Variants in SDHC observed in about 807,000 individuals in gnomAD.
SDHC encodes succinate dehydrogenase cytochrome b560 subunit, mitochondrial.
Under a neutral mutation model 22.6 loss-of-function variants are expected in SDHC, and 11 were observed. The ratio of observed to expected loss-of-function variants is 0.49; its 90% CI spans 0.31 to 0.81. The LOEUF (loss-of-function observed/expected upper bound fraction) is 0.81. SDHC is among the 30% of genes least tolerant of loss of function. The pLI, the probability that SDHC is intolerant of heterozygous loss-of-function variation, is 0.05. For missense variants in SDHC, 160 were observed against 212.0 expected (o/e 0.75, Z 1.52); for synonymous variants, 80 against 77.8 (o/e 1.03, Z -0.15).
At position 161,362,619 on chromosome 1, in the gene SDHC, C is replaced by G. The variant is rs1672570894; in HGVS notation, c.*186C>G. The G allele has an allele frequency of 1.9e-6, 3 of 1,593,242 alleles. No homozygotes were observed. Among genetic ancestry groups the G allele is most frequent in the Non-Finnish European group, 2.6e-6 (3 of 1,169,234 alleles). Reference sequence around the variant, plus strand: ...AATAGTGGAAAAGGGTCTAGTTTTCCCCTTGTTTCTAAAGATGAGGTGGCT... The same window carrying G: ...AATAGTGGAAAAGGGTCTAGTTTTCGCCTTGTTTCTAAAGATGAGGTGGCT... On this transcript the variant is annotated 3_prime_UTR_variant, in exon 6 of 6. Transcript: ENST00000367975.
intron 4 of SDHC, among the ~76,000 whole-genome samples, chr1:161,343,366 G>T (rs1014099830): frequency 6.6e-6 from 1 of 152,136 alleles, no homozygotes. Context: ...ATATATGTGT[G>T]TGTGTATATA....
chr1:161,328,024 T>TGA (rs1406919664), intron 2 of SDHC, among the ~76,000 whole-genome samples: 28 of 151,310 alleles, frequency 1.9e-4, no homozygotes, highest in Admixed American at 1.6e-3. Context: ...TTTTTTTTTT[T>TGA]GAGAGAGAAT....
At chr1:161,339,530 T>G (rs1265079717) in intron 3 of SDHC, 9 of 1,227,992 alleles carry the variant, frequency 7.3e-6, no homozygotes, top group Non-Finnish European at 9.6e-6. Context: ...GCGAAAGGAG[T>G]TTTGAGTTAT....
intron 1 of SDHC, among the ~76,000 whole-genome samples, chr1:161,319,295 GC>G: frequency 6.6e-6 from 1 of 152,228 alleles, no homozygotes; most frequent in East Asian, 1.9e-4. Flanking sequence ...GATAGTTTGA[GC>G]TCAAAGTCTA....
chr1:161,318,124 A>G (rs1670695716), intron 1 of SDHC, among the ~76,000 whole-genome samples: 1 of 151,844 alleles, frequency 6.6e-6, no homozygotes, highest in Non-Finnish European at 1.5e-5. Context: ...GTGAGCTGAG[A>G]TCATGCCACT....
intron 1 of SDHC, among the ~76,000 whole-genome samples, chr1:161,321,678 C>T (rs1382662669): frequency 3.9e-5 from 6 of 152,152 alleles, no homozygotes; most frequent in Admixed American, 1.3e-4. Flanking sequence ...AGGAAGTGTT[C>T]GTTAGATTTT....
intron 4 of SDHC, among the ~76,000 whole-genome samples, chr1:161,348,699 TG>T (rs68132102): frequency 1 from 147,448 of 147,462 alleles, 73,717 homozygotes; most frequent in Middle Eastern, 1. Flanking sequence ...TAGCCAGTTG[TG>T]GGTGGCGCAT....
chr1:161,335,766 T>C (rs940824360), intron 3 of SDHC, among the ~76,000 whole-genome samples: 4 of 152,202 alleles, frequency 2.6e-5, no homozygotes, highest in African/African-American at 9.7e-5. Flanking sequence ...ATGCAATCTC[T>C]GTCACATACA....
chr1:161,339,549 T>C (rs1396523266), intron 3 of SDHC: 11 of 1,259,578 alleles, frequency 8.7e-6, no homozygotes, highest in Non-Finnish European at 1.1e-5. Context: ...ATAATCATTT[T>C]TTTTTTTCTC....
intron 1 of SDHC, among the ~76,000 whole-genome samples, chr1:161,317,600 C>T (rs1261650725): frequency 1.3e-4 from 16 of 124,280 alleles, no homozygotes; most frequent in Non-Finnish European, 2.5e-4. Context: ...CTCACCCTGT[C>T]GCCCAGGCTG....
chr1:161,339,662 G>GTTTTTTTTTTGTTTTTTTTTTTTTTTTT (rs1671639183), intron 3 of SDHC: 1 of 49,566 alleles, frequency 2.0e-5, no homozygotes, highest in Admixed American at 5.3e-4. Context: ...TGATACAGGT[G>GTTTTTTTTTTGTTTTTTTTTTTTTTTTT]TTTTTTTTTT....
intron 2 of SDHC, among the ~76,000 whole-genome samples, chr1:161,327,759 T>G (rs944649716): frequency 2.0e-5 from 3 of 152,020 alleles, no homozygotes; most frequent in Non-Finnish European, 4.4e-5. Flanking sequence ...AGATGGGGTT[T>G]CACCGTGTTG....
At chr1:161,322,843 T>G (rs1670887450) in intron 1 of SDHC, among the ~76,000 whole-genome samples, 1 of 152,198 alleles carries the variant, frequency 6.6e-6, no homozygotes, top group Non-Finnish European at 1.5e-5. Flanking sequence ...ATTACAGGCG[T>G]GAGCCACTGC....
At chr1:161,316,248 A>G (rs1342598044) in intron 1 of SDHC, among the ~76,000 whole-genome samples, 1 of 151,970 alleles carries the variant, frequency 6.6e-6, no homozygotes, top group Non-Finnish European at 1.5e-5. Context: ...GGTCTGGGGG[A>G]CGGTCAGGTC....
chr1:161,327,814 G>A (rs948924342), intron 2 of SDHC, among the ~76,000 whole-genome samples: 3 of 151,868 alleles, frequency 2.0e-5, no homozygotes, highest in Admixed American at 2.0e-4. Context: ...CACCCACCTC[G>A]ATCTCCCAAA....
intron 1 of SDHC, among the ~76,000 whole-genome samples, chr1:161,320,094 T>C (rs1365223933): frequency 1.3e-5 from 2 of 152,184 alleles, no homozygotes; most frequent in African/African-American, 4.8e-5. Flanking sequence ...AAGAGATTGG[T>C]GCGAGGGAGA....
intron 4 of SDHC, among the ~76,000 whole-genome samples, chr1:161,350,278 T>G (rs1046634962): frequency 6.6e-6 from 1 of 152,216 alleles, no homozygotes; most frequent in Non-Finnish European, 1.5e-5. Context: ...TCTCAACTCC[T>G]GAGCTCAAGT....
In SDHC at chr1:161,362,466, C is replaced by G; in HGVS notation, c.*33C>G. The stretch of plus-strand genomic sequence containing the variant: ...AGGCTCCCAGCATCATCTTCCTACA[C>G]ATTATTACATTCACCCATCTTTCTG... On this transcript the variant is annotated 3_prime_UTR_variant, in exon 6 of 6. Coordinates refer to ENST00000367975, the MANE Select transcript of SDHC (RefSeq NM_003001.5). The G allele has an allele frequency of 6.2e-7, 1 of 1,612,336 alleles. No individual in the cohort carries two copies. The highest frequency in any genetic ancestry group is 8.5e-7 in the Non-Finnish European group (1 of 1,179,336).
intron 4 of SDHC, among the ~76,000 whole-genome samples, chr1:161,350,718 G>A (rs1672073816): frequency 6.6e-6 from 1 of 152,192 alleles, no homozygotes; most frequent in African/African-American, 2.4e-5. Context: ...CAGCCTGTGG[G>A]CCATGTTTGG....
Sources: allele counts gnomAD v4.1 joint callset (sites outside exome capture counted in the v4.1 genomes callset), GRCh38; gene constraint gnomAD v4.1.1; transcripts MANE v1.5; gene names NCBI Gene and HGNC (gene_info 2026-07-23, HGNC 2026-07-21).